PDZD2: variants seen among roughly 807,000 people sequenced by gnomAD.
The protein encoded by PDZD2 is PDZ domain containing 2.
Under a neutral mutation model 220.7 loss-of-function variants are expected in PDZD2, and 90 were observed. The ratio of observed to expected loss-of-function variants is 0.41; its 90% CI spans 0.34 to 0.49. The LOEUF is 0.49. Among genes scored for constraint, PDZD2 ranks in the 20% least tolerant of loss-of-function variants. The probability of loss-of-function intolerance (pLI) is 0.28; values close to 1 mark genes in which losing one functional copy is unlikely to be tolerated. For synonymous variants in PDZD2, 1,375 were observed against 1,450.5 expected (o/e 0.95, Z 1.18); for missense variants, 3,174 against 3,608.5 (o/e 0.88, Z 3.08).
chr5:32,043,588 C>G (rs554972587), intron 7 of PDZD2, among the ~76,000 whole-genome samples: 2 of 152,258 alleles, frequency 1.3e-5, no homozygotes. Context: ...AAAGCCCTCG[C>G]CATGAGGCGG....
rs773815251 is a variant in PDZD2, at chr5:31,665,558, G to A, written c.-361+26121G>A. Among the ~76,000 whole-genome samples the A allele has an allele frequency of 3.9e-5, 6 of 152,064 alleles. No homozygotes were observed. In the South Asian group the frequency reaches 8.3e-4, roughly 21 times the overall value. On this transcript the variant is annotated intron_variant, in intron 1 of 24. Coordinates refer to ENST00000438447, the MANE Select transcript of PDZD2 (RefSeq NM_178140.4). ...ACCTGGGGGCAGGTGATTGGATCAT[G>A]GGGGCGGTTTCCCCCATGCTGTTCT...
At chr5:31,699,169 C>T (rs994164311) in intron 1 of PDZD2, among the ~76,000 whole-genome samples, 10 of 152,234 alleles carry the variant, frequency 6.6e-5, no homozygotes, top group African/African-American at 1.9e-4. Flanking sequence ...AAGAAAGACA[C>T]GTACCCAACC....
At chr5:31,835,664 T>C (rs942500577) in intron 2 of PDZD2, among the ~76,000 whole-genome samples, 2 of 152,120 alleles carry the variant, frequency 1.3e-5, no homozygotes. Flanking sequence ...CCTGCCTTAC[T>C]GACCAAGAAG....
At chr5:31,909,758 C>T (rs1451161528) in intron 2 of PDZD2, among the ~76,000 whole-genome samples, 1 of 152,040 alleles carries the variant, frequency 6.6e-6, no homozygotes. Context: ...TTCCTTTTCC[C>T]ACTCATATAG....
At chr5:31,885,214 A>G (rs1194175548) in intron 2 of PDZD2, among the ~76,000 whole-genome samples, 1 of 149,998 alleles carries the variant, frequency 6.7e-6, no homozygotes, top group Non-Finnish European at 1.5e-5. Flanking sequence ...TAATCAGAGA[A>G]ATGCCAATCA....
Position 32,087,953 on chromosome 5 carries a change from C to T in PDZD2, c.4505C>T (p.Ser1502Leu), listed in dbSNP as rs373613274. The change falls in exon 20 of 25, where the codon TCG (serine) becomes TTG (leucine). Residue 1502 changes from serine to leucine, a missense_variant. Coordinates refer to ENST00000438447, the MANE Select transcript of PDZD2 (RefSeq NM_178140.4). The surrounding 1 kb of genome is among the most constrained non-coding windows in gnomAD (Gnocchi z 4.0). ...PAYPQWASQP[S>L]VLDSINPDKH... is the part of the protein sequence containing the mutation. ...TACCCACAATGGGCCTCCCAGCCTTCGGTTTTAGATTCAATTAATCCCGAC... is the reference window on the plus strand; with the variant it reads ...TACCCACAATGGGCCTCCCAGCCTTTGGTTTTAGATTCAATTAATCCCGAC... The T allele has an allele frequency of 9.3e-6, 15 of 1,613,936 alleles. No individual in the cohort carries two copies. The African/African-American group carries it at 1.6e-4, about 17-fold the overall frequency.
intron 2 of PDZD2, among the ~76,000 whole-genome samples, chr5:31,825,590 AC>A (rs1319099438): frequency 1.2e-4 from 19 of 152,338 alleles, no homozygotes; most frequent in Middle Eastern, 3.4e-3. Context: ...TGCTGACTCC[AC>A]ATCAATGTAC....
intron 2 of PDZD2, among the ~76,000 whole-genome samples, chr5:31,825,912 A>G (rs1438398092): frequency 6.7e-6 from 1 of 148,674 alleles, no homozygotes; most frequent in Non-Finnish European, 1.5e-5. Flanking sequence ...CAGGCATGCT[A>G]TTAACAGGTG....
At chr5:31,893,555 G>A (rs547256664) in intron 2 of PDZD2, among the ~76,000 whole-genome samples, 1 of 150,806 alleles carries the variant, frequency 6.6e-6, no homozygotes, top group African/African-American at 2.4e-5. Context: ...GGGTGACAGA[G>A]CGAGACTCTG....
At chr5:31,861,112 C>G (rs1303990686) in intron 2 of PDZD2, among the ~76,000 whole-genome samples, 1 of 152,096 alleles carries the variant, frequency 6.6e-6, no homozygotes, top group African/African-American at 2.4e-5. Context: ...AATAGATGGC[C>G]CTTTTGCTTT....
chr5:31,772,897 G>T (rs1448166653), intron 1 of PDZD2, among the ~76,000 whole-genome samples: 1 of 152,174 alleles, frequency 6.6e-6, no homozygotes, highest in African/African-American at 2.4e-5. Context: ...ATTGAAGCTG[G>T]ACTATATGGT....
chr5:31,953,853 G>C (rs549057067), intron 2 of PDZD2, among the ~76,000 whole-genome samples: 18 of 152,220 alleles, frequency 1.2e-4, no homozygotes, highest in Non-Finnish European at 2.2e-4. Context: ...GTTTCACCAT[G>C]TTGGCCAGGG....
chr5:31,945,471 G>A (rs1055155000), intron 2 of PDZD2, among the ~76,000 whole-genome samples: 1 of 152,086 alleles, frequency 6.6e-6, no homozygotes, highest in African/African-American at 2.4e-5. Flanking sequence ...TGGGGAGAGA[G>A]GTGGTTGACT....
intron 1 of PDZD2, among the ~76,000 whole-genome samples, chr5:31,773,975 A>T (rs1027041412): frequency 6.6e-6 from 1 of 152,190 alleles, no homozygotes; most frequent in Admixed American, 6.5e-5. Context: ...GTCGACACCT[A>T]GAGGAATGGT....
intron 2 of PDZD2, chr5:31,840,396 TTATATATATA>T (rs748170414): frequency 0.037 from 718 of 19,174 alleles, 10 homozygotes; most frequent in East Asian, 0.059. Flanking sequence ...GTCATTTTCA[TTATATATATA>T]TATATATATA....
rs747215980 is a variant in PDZD2, at chr5:32,089,348, C to G, written c.5900C>G (p.Ser1967Cys). The change falls in exon 20 of 25, where the codon TCT becomes TGT. Residue 1967 changes from serine to cysteine, a missense_variant. By Grantham distance (112) the Ser-to-Cys change is moderately radical. This residue lies in a region of PDZD2 where 1,861 missense variants were observed against 2,001.0 expected (regional missense o/e 0.93). Coordinates refer to ENST00000438447, the MANE Select transcript of PDZD2 (RefSeq NM_178140.4). ...GAAAGCAAGCCACCTCTTGCCACCTCTGGGCCACTGAAACCCTCAGTGTCT... is the reference window on the plus strand; with the variant it reads ...GAAAGCAAGCCACCTCTTGCCACCTGTGGGCCACTGAAACCCTCAGTGTCT... Reference protein sequence around the residue: ...VLESKPPLATSGPLKPSVSDT... With the variant: ...VLESKPPLATCGPLKPSVSDT... 4.3e-6 allele frequency: 7 copies of G among 1,614,170 alleles called. No homozygotes were observed. The South Asian group carries it at 6.6e-5, about 15-fold the overall frequency.
chr5:31,910,104 A>G (rs1054739806), intron 2 of PDZD2, among the ~76,000 whole-genome samples: 4 of 152,130 alleles, frequency 2.6e-5, no homozygotes, highest in Admixed American at 2.0e-4. Flanking sequence ...CACTTTATTC[A>G]GGGAACTAAG....
At chr5:31,817,017 A>C (rs932803648) in intron 2 of PDZD2, among the ~76,000 whole-genome samples, 13 of 151,748 alleles carry the variant, frequency 8.6e-5, no homozygotes, top group Non-Finnish European at 1.6e-4. Flanking sequence ...CCCCGTGTCT[A>C]CTAAAAATAC....
intron 3 of PDZD2, among the ~76,000 whole-genome samples, chr5:31,991,767 G>A (rs894228826): frequency 8.5e-5 from 13 of 152,166 alleles, no homozygotes; most frequent in Admixed American, 2.6e-4. Context: ...GGTGGCTCAC[G>A]CCTGTAATCT....
Sources: gnomAD v4.1 joint callset for allele counts (sites outside exome capture counted in the v4.1 genomes callset) on GRCh38, gnomAD v4.1.1 for gene constraint, gnomAD v4.1.1 regional missense constraint, Gnocchi (gnomAD v3.1) non-coding constraint, MANE v1.5 for transcripts, NCBI Gene and HGNC (gene_info 2026-07-23, HGNC 2026-07-21) for gene names.